Variants in MEF2C observed in about 807,000 individuals in gnomAD.
MEF2C encodes the protein myocyte enhancer factor 2C, also known as myocyte-specific enhancer factor 2C.
In MEF2C, 6 loss-of-function variants were observed where a neutral mutation model predicts 50.5. The observed-to-expected ratio is 0.12, with a 90% confidence interval of 0.07 to 0.23. The LOEUF (loss-of-function observed/expected upper bound fraction) is 0.23, where lower values mean the gene tolerates loss of function less well. Ranked by LOEUF, MEF2C falls within the 10% of genes least tolerant of loss-of-function variation. The pLI, the probability that MEF2C is intolerant of heterozygous loss-of-function variation, is 1.00. For synonymous variants in MEF2C, 183 were observed against 228.0 expected, an observed-to-expected ratio of 0.80 and a Z score of 1.78; for missense variants, 276 against 605.0, an observed-to-expected ratio of 0.46 and a Z score of 5.70.
intron 6 of MEF2C, chr5:88,742,113 G>A (rs1268732768): frequency 1.0e-6 from 1 of 985,392 alleles, no homozygotes; most frequent in Non-Finnish European, 1.2e-6. Context: ...CAGCCTTGAA[G>A]CACCGAGTGA....
chr5:88,760,994 T>C (rs1268494220), intron 4 of MEF2C, 191 bp downstream of exon 4: 2 of 1,606,546 alleles, frequency 1.2e-6, no homozygotes, highest in South Asian at 2.2e-5. Flanking sequence ...TTACAGGAAT[T>C]TTATGACTCT....
intron 1 of MEF2C, among the ~76,000 whole-genome samples, chr5:88,871,034 G>A (rs1042002144): frequency 6.6e-5 from 10 of 151,964 alleles, no homozygotes; most frequent in African/African-American, 1.4e-4. Context: ...GCTCAATAGC[G>A]GTAGAGAGGT....
intron 2 of MEF2C, among the ~76,000 whole-genome samples, chr5:88,813,510 C>A (rs1364239215): frequency 1.3e-5 from 2 of 152,052 alleles, no homozygotes; most frequent in African/African-American, 2.4e-5. Context: ...ACTTTCCTGC[C>A]ATTTTAACTG....
intron 1 of MEF2C, among the ~76,000 whole-genome samples, chr5:88,864,846 C>T (rs113001286): frequency 0.035 from 5,354 of 151,882 alleles, 100 homozygotes; most frequent in Non-Finnish European, 0.041. Context: ...GGCTCACTCA[C>T]CGCAACCTCC....
chr5:88,830,256 A>G (rs753546958), intron 1 of MEF2C, among the ~76,000 whole-genome samples: 8 of 152,084 alleles, frequency 5.3e-5, no homozygotes, highest in Non-Finnish European at 8.8e-5. Context: ...TGAAAACTCT[A>G]CATTAATGCT....
upstream of MEF2C, chr5:88,883,297 T>G (rs1833541544): frequency 6.7e-6 from 1 of 148,554 alleles, no homozygotes; most frequent in African/African-American, 2.5e-5. Flanking sequence ...CCGAGGCCGC[T>G]CGGAAGAGGA....
At chr5:88,750,669 G>T (rs1412124121) in intron 5 of MEF2C, among the ~76,000 whole-genome samples, 14 of 152,094 alleles carry the variant, frequency 9.2e-5, no homozygotes, top group African/African-American at 3.4e-4. Context: ...AAATTCATAC[G>T]AAAATTTTCA....
chr5:88,863,549 C>A (rs1160018816), intron 1 of MEF2C, among the ~76,000 whole-genome samples: 1 of 152,184 alleles, frequency 6.6e-6, no homozygotes, highest in African/African-American at 2.4e-5. Context: ...TAACTATAGT[C>A]AACACACTGT....
rs73179404 is a variant in MEF2C, at chr5:88,807,368, C to T, written c.55-2567G>A. On this transcript the variant is annotated intron_variant, in intron 2 of 10. Coordinates refer to ENST00000504921, the MANE Select transcript of MEF2C (RefSeq NM_002397.5). ...CCTCCGGAGTAGCTGGTACTACAGGCGTGCACCAACATGTTCTGGCTTTAT... is the reference window on the plus strand; with the variant it reads ...CCTCCGGAGTAGCTGGTACTACAGGTGTGCACCAACATGTTCTGGCTTTAT... Among the ~76,000 whole-genome samples, 511 of 152,162 alleles carry T rather than the reference C, an allele frequency of 3.4e-3. 3 individuals carry two copies. The highest frequency in any genetic ancestry group is 0.012 in the African/African-American group (490 of 41,500).
At chr5:88,735,837 G>A (rs903618352) in intron 6 of MEF2C, 3 of 985,240 alleles carry the variant, frequency 3.0e-6, no homozygotes, top group Admixed American at 6.1e-5. Flanking sequence ...GTCTCACAGA[G>A]CTCACTTGAA....
intron 1 of MEF2C, among the ~76,000 whole-genome samples, chr5:88,841,627 T>C (rs1455449365): frequency 6.6e-6 from 1 of 152,164 alleles, no homozygotes; most frequent in African/African-American, 2.4e-5. Context: ...ATCAATGGAT[T>C]CCATAAGTCA....
chr5:88,769,160 A>G lies in MEF2C; in HGVS notation c.259-7832T>C, dbSNP rs913124674. On this transcript the variant is annotated intron_variant, in intron 3 of 10. Transcript: ENST00000504921. ...AAACAAAACCTTTGTAGGAAAGAGC[A>G]CAGGGAAATTTGTGAATGTGAGTCA... Among the ~76,000 whole-genome samples, 4 of 152,240 alleles carry G rather than the reference A, an allele frequency of 2.6e-5. No homozygotes were observed. In the South Asian group the frequency reaches 8.3e-4, roughly 31 times the overall value.
At chr5:88,766,847 A>G (rs1780276714) in intron 3 of MEF2C, 4 of 984,392 alleles carry the variant, frequency 4.1e-6, no homozygotes, top group Non-Finnish European at 4.8e-6. Flanking sequence ...AAAAAAAAGC[A>G]TCAACTTAGA....
At chr5:88,879,408 A>G (rs914442616) in intron 1 of MEF2C, among the ~76,000 whole-genome samples, 6 of 150,656 alleles carry the variant, frequency 4.0e-5, no homozygotes, top group African/African-American at 1.5e-4. Context: ...AATTTGACCA[A>G]TGAACTTTTA....
chr5:88,858,253 A>C (rs1824185610), intron 1 of MEF2C, among the ~76,000 whole-genome samples: 1 of 152,130 alleles, frequency 6.6e-6, no homozygotes. Flanking sequence ...CTCTACATTC[A>C]AGCCTCACCA....
intron 1 of MEF2C, among the ~76,000 whole-genome samples, chr5:88,858,532 A>C (rs1293503435): frequency 1.3e-5 from 2 of 152,222 alleles, no homozygotes; most frequent in African/African-American, 4.8e-5. Context: ...GTTAACTAGA[A>C]GACAAAGAAG....
In MEF2C at chr5:88,721,130, G is replaced by C. The variant is rs563026535; in HGVS notation, c.*1474C>G. ...CTTGTTTCTAGGGCCATATTTGCAG[G>C]ACATGTGCCCCAACATAGCTTTTCT... On this transcript the variant is annotated 3_prime_UTR_variant, in exon 11 of 11. Transcript: ENST00000504921. 1 of 152,612 alleles carries C rather than the reference G, an allele frequency of 6.6e-6. No homozygotes were observed. Among genetic ancestry groups the C allele is most frequent in the South Asian group, 2.1e-4 (1 of 4,826 alleles). 9.5% of individuals were successfully genotyped at this position (152,612 alleles called of 1,614,324 possible).
chr5:88,856,271 G>A (rs1014621058), intron 1 of MEF2C, among the ~76,000 whole-genome samples: 1 of 152,202 alleles, frequency 6.6e-6, no homozygotes, highest in African/African-American at 2.4e-5. Flanking sequence ...TGTTCAAGAG[G>A]TGACTTGGGT....
At chr5:88,743,820 CATAAA>C (rs1207599515) in intron 6 of MEF2C, 2 of 984,638 alleles carry the variant, frequency 2.0e-6, no homozygotes, top group African/African-American at 3.5e-5. Flanking sequence ...TAACCAAATG[CATAAA>C]ATAGTCAACA....
Sources: allele counts gnomAD v4.1 joint callset (sites outside exome capture counted in the v4.1 genomes callset), GRCh38; gene constraint gnomAD v4.1.1; transcripts MANE v1.5; gene names NCBI Gene and HGNC (gene_info 2026-07-23, HGNC 2026-07-21).